Variants in TTC17 observed in about 807,000 individuals in gnomAD.
TTC17 encodes tetratricopeptide repeat protein 17.
Under a neutral mutation model 143.8 loss-of-function variants are expected in TTC17, and 58 were observed. That is an observed-to-expected ratio of 0.40 (90% CI 0.33 to 0.50). The LOEUF (loss-of-function observed/expected upper bound fraction) is 0.50, where lower values mean the gene tolerates loss of function less well. Ranked by LOEUF, TTC17 falls within the 20% of genes least tolerant of loss-of-function variation. The pLI is 0.49. For missense variants in TTC17, 1,273 were observed against 1,392.5 expected (o/e 0.91, Z 1.37); for synonymous variants, 501 against 497.8 (o/e 1.01, Z -0.09).
chr11:43,466,561 T>G (rs1947977265), intron 21 of TTC17: 1 of 246,956 alleles, frequency 4.0e-6, no homozygotes, highest in Admixed American at 4.0e-5. Flanking sequence ...ATTCCGGAGT[T>G]TATATGCCAG....
chr11:43,481,657 G>A (rs914308010), intron 21 of TTC17, among the ~76,000 whole-genome samples: 8 of 152,106 alleles, frequency 5.3e-5, no homozygotes, highest in African/African-American at 1.9e-4. Flanking sequence ...TTTATTGGCA[G>A]AAAGTTCTTC....
At chr11:43,486,383 A>G in intron 21 of TTC17, 1 of 448,068 alleles carries the variant, frequency 2.2e-6, no homozygotes, top group Non-Finnish European at 4.5e-6. Flanking sequence ...AAAAAATAGT[A>G]GATGTAAAAC....
At chr11:43,432,958 AC>A (rs1947192656) in intron 16 of TTC17, among the ~76,000 whole-genome samples, 1 of 151,024 alleles carries the variant, frequency 6.6e-6, no homozygotes, top group South Asian at 2.1e-4. Flanking sequence ...AAAACCCTAA[AC>A]CGGTCTGGTT....
chr11:43,493,638 A>C (rs1948509713), intron 23 of TTC17, 135 bp from the exon 24 acceptor site: 6 of 1,350,190 alleles, frequency 4.4e-6, no homozygotes, highest in Non-Finnish European at 6.1e-6. Context: ...AGTTTTCCAC[A>C]AAGACTTAGA....
At position 43,360,809 on chromosome 11, in the gene TTC17, C is replaced by T. The variant is rs531636585; in HGVS notation, c.159+1696C>T. On this transcript the variant is annotated intron_variant, in intron 1 of 23. Transcript: ENST00000039989. ...TTACTGGAAACTTGCCTCAGAGAAG[C>T]AGGGAAGAGCTGAAGAATCTTTTGG... 4.5e-3 allele frequency among the ~76,000 whole-genome samples: 690 copies of T among 151,760 alleles called. 1 individual carries two copies. The highest frequency in any genetic ancestry group is 0.016 in the African/African-American group (665 of 41,328).
chr11:43,409,943 G>C (rs1858330771), intron 15 of TTC17, among the ~76,000 whole-genome samples: 1 of 151,590 alleles, frequency 6.6e-6, no homozygotes, highest in African/African-American at 2.4e-5. Flanking sequence ...CCAGGTTCAA[G>C]CTCTTCTCGT....
intron 16 of TTC17, among the ~76,000 whole-genome samples, chr11:43,416,524 C>A (rs1191298881): frequency 6.6e-6 from 1 of 152,030 alleles, no homozygotes; most frequent in African/African-American, 2.4e-5. Flanking sequence ...TGAACTTTTT[C>A]CCCAGAATGT....
chr11:43,450,496 C>T (rs1294550209), intron 20 of TTC17, among the ~76,000 whole-genome samples: 2 of 152,110 alleles, frequency 1.3e-5, no homozygotes, highest in Admixed American at 6.5e-5. Flanking sequence ...TCTGCCTTGC[C>T]ATCAAATACC....
At chr11:43,396,674 A>T in intron 5 of TTC17, 35 bp from the exon 6 acceptor site, 1 of 1,306,414 alleles carries the variant, frequency 7.7e-7, no homozygotes, top group Non-Finnish European at 1.1e-6. Flanking sequence ...AACTGTCTTG[A>T]GTCGTGTTTG....
chr11:43,361,377 T>C (rs887324300), intron 1 of TTC17, among the ~76,000 whole-genome samples: 2 of 152,234 alleles, frequency 1.3e-5, no homozygotes, highest in Non-Finnish European at 2.9e-5. Context: ...GGTTATGTGC[T>C]GATAAACTCA....
At chr11:43,414,046 C>T (rs1363978192) in intron 15 of TTC17, among the ~76,000 whole-genome samples, 1 of 152,116 alleles carries the variant, frequency 6.6e-6, no homozygotes, top group African/African-American at 2.4e-5. Flanking sequence ...AACTGCTAAT[C>T]GGATGAACAA....
At chr11:43,451,932 G>A (rs73530636) in intron 21 of TTC17, among the ~76,000 whole-genome samples, 202 of 152,242 alleles carry the variant, frequency 1.3e-3, no homozygotes, top group African/African-American at 4.7e-3. Flanking sequence ...CATCTTCCGA[G>A]TATCGCACAT....
chr11:43,360,649 G>T (rs564001681), intron 1 of TTC17, among the ~76,000 whole-genome samples: 1 of 151,986 alleles, frequency 6.6e-6, no homozygotes, highest in South Asian at 2.1e-4. Context: ...TCTAAAAAGT[G>T]AAAGCTGGTA....
At chr11:43,480,887 C>CAAA (rs58806758) in intron 21 of TTC17, among the ~76,000 whole-genome samples, 7 of 99,024 alleles carry the variant, frequency 7.1e-5, no homozygotes, top group Admixed American at 2.1e-4. Flanking sequence ...CAAGAAAATG[C>CAAA]AAAAAAAAAA....
intron 21 of TTC17, among the ~76,000 whole-genome samples, chr11:43,455,600 G>A (rs71490027): frequency 6.6e-6 from 1 of 151,886 alleles, no homozygotes; most frequent in Non-Finnish European, 1.5e-5. Context: ...TGAAAACTTA[G>A]GTGAAATAAT....
chr11:43,375,928 A>G (rs1856749125), intron 1 of TTC17, among the ~76,000 whole-genome samples: 1 of 152,212 alleles, frequency 6.6e-6, no homozygotes, highest in Non-Finnish European at 1.5e-5. Flanking sequence ...TTGTTGAGAT[A>G]GGGTTCCAGA....
At chr11:43,484,869 C>T (rs1378065036) in intron 21 of TTC17, among the ~76,000 whole-genome samples, 5 of 152,080 alleles carry the variant, frequency 3.3e-5, no homozygotes, top group African/African-American at 9.7e-5. Context: ...TGAACTTCAT[C>T]TCTATTTACA....
At chr11:43,475,519 G>C (rs1948169222) in intron 21 of TTC17, among the ~76,000 whole-genome samples, 1 of 152,070 alleles carries the variant, frequency 6.6e-6, no homozygotes, top group Non-Finnish European at 1.5e-5. Flanking sequence ...TTTTTAAATA[G>C]AGACAAGGTC....
At chr11:43,362,273 C>G (rs1028422748) in intron 1 of TTC17, among the ~76,000 whole-genome samples, 7 of 151,918 alleles carry the variant, frequency 4.6e-5, no homozygotes, top group Non-Finnish European at 1.0e-4. Context: ...CCCACCTTGG[C>G]CTCTCAAAGT....
Sources: gnomAD v4.1 joint callset for allele counts (sites outside exome capture counted in the v4.1 genomes callset) on GRCh38, gnomAD v4.1.1 for gene constraint, MANE v1.5 for transcripts, NCBI Gene and HGNC (gene_info 2026-07-23, HGNC 2026-07-21) for gene names.